Variants in ZFAT observed in about 807,000 individuals in gnomAD.
ZFAT encodes zinc finger protein ZFAT.
Under a neutral mutation model 117.7 loss-of-function variants are expected in ZFAT, and 64 were observed. That is an observed-to-expected ratio of 0.54 (90% CI 0.44 to 0.67). ZFAT has a LOEUF of 0.67. Ranked by LOEUF, ZFAT falls within the 30% of genes least tolerant of loss-of-function variation. The pLI, the probability that ZFAT is intolerant of heterozygous loss-of-function variation, is 0.00. For synonymous variants in ZFAT, 679 were observed against 615.0 expected, an observed-to-expected ratio of 1.10 and a Z score of -1.54; for missense variants, 1,433 against 1,584.5, an observed-to-expected ratio of 0.90 and a Z score of 1.62.
chr8:134,516,604 G>A (rs188410453), intron 13 of ZFAT, among the ~76,000 whole-genome samples: 264 of 152,292 alleles, frequency 1.7e-3, no homozygotes, highest in Middle Eastern at 6.8e-3. Flanking sequence ...GGAAGCCAGG[G>A]TGGGAAGATT....
At chr8:134,653,188 C>T (rs1831361244) in intron 2 of ZFAT, among the ~76,000 whole-genome samples, 1 of 131,154 alleles carries the variant, frequency 7.6e-6, no homozygotes, top group African/African-American at 2.8e-5. Context: ...TATTATAATA[C>T]TTTAAGTTTT....
At chr8:134,737,219 G>A in the ZFAT span, among the ~76,000 whole-genome samples, 1 of 152,078 alleles carries the variant, frequency 6.6e-6, no homozygotes, top group Non-Finnish European at 1.5e-5. Context: ...GACAGATGTT[G>A]TGGTGAGCCG....
At chr8:134,590,688 CCAA>C (rs1402766754) in intron 7 of ZFAT, among the ~76,000 whole-genome samples, 2,175 of 136,318 alleles carry the variant, frequency 0.016, 27 homozygotes, top group African/African-American at 0.044. Context: ...ACCACCACCA[CCAA>C]CAACAACACC....
intron 15 of ZFAT, among the ~76,000 whole-genome samples, chr8:134,486,015 C>T (rs12550496): frequency 0.27 from 41,077 of 152,122 alleles, 5,614 homozygotes; most frequent in Admixed American, 0.31. Context: ...TTGGAATTTC[C>T]AGGGTTTCAT....
intron 12 of ZFAT, 77 bp downstream of exon 12, chr8:134,532,757 G>A: frequency 1.9e-6 from 3 of 1,550,684 alleles, no homozygotes; most frequent in East Asian, 2.3e-5. Context: ...ACTGCAGGAT[G>A]TCAGCAGCTC....
chr8:134,758,990 C>T, the ZFAT span, among the ~76,000 whole-genome samples: 1 of 152,060 alleles, frequency 6.6e-6, no homozygotes, highest in Non-Finnish European at 1.5e-5. Flanking sequence ...CATCACTGCC[C>T]CAAATAAAAG....
At chr8:134,679,464 A>C (rs1450576731) in intron 1 of ZFAT, among the ~76,000 whole-genome samples, 2 of 152,252 alleles carry the variant, frequency 1.3e-5, no homozygotes, top group Non-Finnish European at 2.9e-5. Flanking sequence ...GATGTGGAGA[A>C]ATACTAACGC....
At chr8:134,529,900 C>A (rs767207277) in intron 12 of ZFAT, among the ~76,000 whole-genome samples, 1 of 152,202 alleles carries the variant, frequency 6.6e-6, no homozygotes, top group Non-Finnish European at 1.5e-5. Context: ...ACCCAAACTC[C>A]ATGGAGAATG....
chr8:134,639,213 C>G lies in ZFAT; in HGVS notation c.197-1501G>C, dbSNP rs147670608. ...AGTCTGCAGGGACACAACAGCCTGA[C>G]CACAGGGAATCTGAACAAAGAAGCC... On this transcript the variant is annotated intron_variant, in intron 2 of 15. Transcript: ENST00000377838. Among the ~76,000 whole-genome samples, 162 of 152,284 alleles carry G rather than the reference C, an allele frequency of 1.1e-3. 2 individuals are homozygous for G. The Middle Eastern group carries it at 0.014, about 13-fold the overall frequency.
At chr8:134,744,971 C>T in the ZFAT span, among the ~76,000 whole-genome samples, 758 of 152,004 alleles carry the variant, frequency 5.0e-3, 1 homozygote, top group Middle Eastern at 0.014. Flanking sequence ...CCTCGTGATC[C>T]GCCCACCTCG....
chr8:134,660,734 G>A (rs980282136), intron 1 of ZFAT, among the ~76,000 whole-genome samples: 1 of 152,206 alleles, frequency 6.6e-6, no homozygotes, highest in African/African-American at 2.4e-5. Flanking sequence ...CTGAACTTCT[G>A]GGGACCACAG....
At chr8:134,493,329 G>A (rs1563769219) in intron 15 of ZFAT, among the ~76,000 whole-genome samples, 1 of 152,196 alleles carries the variant, frequency 6.6e-6, no homozygotes, top group Non-Finnish European at 1.5e-5. Context: ...AACGGGAAGG[G>A]CCAGCTCTCT....
chr8:134,652,163 T>C (rs764657259), intron 2 of ZFAT, among the ~76,000 whole-genome samples: 1 of 151,924 alleles, frequency 6.6e-6, no homozygotes, highest in Non-Finnish European at 1.5e-5. Context: ...AGTAAAAATA[T>C]AAAAATTAGC....
At chr8:134,784,742 G>C in the ZFAT span, 1 of 151,886 alleles carries the variant, frequency 6.6e-6, no homozygotes, top group Non-Finnish European at 1.5e-5. Flanking sequence ...GAAAAAAAAA[G>C]CTTTACTTGT....
At chr8:134,588,550 C>T (rs1042404060) in intron 8 of ZFAT, among the ~76,000 whole-genome samples, 155 bp from the exon 9 acceptor site, 10 of 152,154 alleles carry the variant, frequency 6.6e-5, no homozygotes, top group Non-Finnish European at 1.3e-4. Context: ...AAAACCAGAA[C>T]CAAATCGAGT....
intron 11 of ZFAT, among the ~76,000 whole-genome samples, chr8:134,560,888 T>G (rs1240556867): frequency 6.6e-6 from 1 of 152,260 alleles, no homozygotes; most frequent in Non-Finnish European, 1.5e-5. Flanking sequence ...CTATTTTTGT[T>G]TAGAGAATCC....
upstream of ZFAT, among the ~76,000 whole-genome samples, chr8:134,717,644 G>A (rs190160002): frequency 3.9e-4 from 59 of 149,706 alleles, no homozygotes; most frequent in African/African-American, 1.4e-3. Flanking sequence ...CACCACACCC[G>A]GCTAATTTTT....
intron 10 of ZFAT, among the ~76,000 whole-genome samples, chr8:134,566,006 T>A (rs1824432881): frequency 6.6e-6 from 1 of 151,826 alleles, no homozygotes; most frequent in Admixed American, 6.6e-5. Context: ...GGATCTGCGT[T>A]GCAGAACTCC....
At chr8:134,616,167 A>G (rs1371317984) in intron 3 of ZFAT, among the ~76,000 whole-genome samples, 1 of 152,184 alleles carries the variant, frequency 6.6e-6, no homozygotes, top group Non-Finnish European at 1.5e-5. Flanking sequence ...TGCTCCTCAC[A>G]GCCCTGAACC....
Sources: gnomAD v4.1 joint callset for allele counts (sites outside exome capture counted in the v4.1 genomes callset) on GRCh38, gnomAD v4.1.1 for gene constraint, MANE v1.5 for transcripts, NCBI Gene and HGNC (gene_info 2026-07-23, HGNC 2026-07-21) for gene names.